NBL1: variants seen among roughly 807,000 people sequenced by gnomAD.
NBL1 encodes the protein NBL1, DAN family BMP antagonist, also known as neuroblastoma suppressor of tumorigenicity 1.
Under a neutral mutation model 16.0 loss-of-function variants are expected in NBL1, and 9 were observed. The observed-to-expected ratio is 0.56, with a 90% confidence interval of 0.34 to 0.98. The LOEUF (loss-of-function observed/expected upper bound fraction) is 0.98, where lower values mean the gene tolerates loss of function less well. Ranked by LOEUF, NBL1 falls within the 50% of genes least tolerant of loss-of-function variation. NBL1 has a pLI of 0.02. For missense variants in NBL1, 196 were observed against 243.1 expected (o/e 0.81, Z 1.29); for synonymous variants, 86 against 100.7 (o/e 0.85, Z 0.87).
chr1:19,656,749 G>A lies in NBL1; in HGVS notation c.283-117G>A, dbSNP rs111949284. ...CCCCATGGGACCCCAGAGCTAACTG[G>A]GCATCACAGGTGGGCTCTGGGATTC... On this transcript the variant is annotated intron_variant, in intron 3 of 3. Transcript: ENST00000375136. 9.5e-4 allele frequency: 1,359 copies of A among 1,427,716 alleles called. 6 individuals carry two copies. The African/African-American group carries it at 0.018, about 19-fold the overall frequency. The allele number at this position is 1,427,716 out of a possible 1,614,324, so 88.4% of individuals were successfully genotyped here.
intron 1 of NBL1, among the ~76,000 whole-genome samples, chr1:19,647,050 G>A (rs541803573): frequency 6.6e-6 from 1 of 152,336 alleles, no homozygotes; most frequent in Non-Finnish European, 1.5e-5. Context: ...AATTAACTAT[G>A]ATGGGCGATC....
At chr1:19,645,819 C>T in intron 1 of NBL1, 1 of 1,467,530 alleles carries the variant, frequency 6.8e-7, no homozygotes, top group East Asian at 2.5e-5. Context: ...CCAGGGATAT[C>T]GCCTCATTAT....
chr1:19,658,451 C>T lies in NBL1; in HGVS notation c.*1322C>T, dbSNP rs984032400. The T allele has an allele frequency of 2.0e-5, 3 of 152,596 alleles. No individual in the cohort carries two copies. The highest frequency in any genetic ancestry group is 7.2e-5 in the African/African-American group (3 of 41,458). 9.5% of individuals were successfully genotyped at this position (152,596 alleles called of 1,614,324 possible). Reference sequence around the variant, plus strand: ...TTCTCATGAATAAATTCCTTCAACGCCTGTGTTCTCCTCCTCACTGACTGG... The same window carrying T: ...TTCTCATGAATAAATTCCTTCAACGTCTGTGTTCTCCTCCTCACTGACTGG... On this transcript the variant is annotated 3_prime_UTR_variant, in exon 4 of 4. Coordinates refer to ENST00000375136, the MANE Select transcript of NBL1 (RefSeq NM_005380.8).
At chr1:19,654,869 A>T (rs1403379363) in intron 1 of NBL1, 143 bp from the exon 2 acceptor site, 1 of 1,075,172 alleles carries the variant, frequency 9.3e-7, no homozygotes, top group African/African-American at 1.6e-5. Context: ...GGGAGAAATA[A>T]CTTGTCCAAA....
intron 1 of NBL1, among the ~76,000 whole-genome samples, chr1:19,648,399 C>T (rs569948984): frequency 2.0e-5 from 3 of 152,292 alleles, no homozygotes; most frequent in African/African-American, 4.8e-5. Flanking sequence ...CATTCAGGTG[C>T]CCAGGCCGTG....
chr1:19,653,802 G>A (rs2095040900), intron 1 of NBL1, among the ~76,000 whole-genome samples: 1 of 152,258 alleles, frequency 6.6e-6, no homozygotes. Flanking sequence ...GGGGGGCATG[G>A]GTGAAACTTA....
At chr1:19,656,784 T>A in intron 3 of NBL1, 82 bp from the exon 4 acceptor site, 1 of 1,480,710 alleles carries the variant, frequency 6.8e-7, no homozygotes, top group Non-Finnish European at 9.0e-7. Context: ...CTTGATCCCA[T>A]GAGGAAGTAT....
intron 1 of NBL1, among the ~76,000 whole-genome samples, chr1:19,648,345 C>T (rs1229073624): frequency 1.3e-5 from 2 of 152,086 alleles, no homozygotes; most frequent in African/African-American, 2.4e-5. Context: ...GCTGGGAGGC[C>T]GTTGCTCCTG....
chr1:19,657,027 C>A lies in NBL1; in HGVS notation c.444C>A (p.Thr148=). Residue 148 remains threonine, a synonymous_variant, in exon 4 of 4, where the codon ACC becomes ACA. Coordinates refer to ENST00000375136, the MANE Select transcript of NBL1 (RefSeq NM_005380.8). ...GEDGPGSQPG[T]HPHPHPHPHP... is the part of the protein sequence containing the mutation. The stretch of plus-strand genomic sequence containing the variant: ...ACGGGCCGGGATCCCAGCCCGGCAC[C>A]CACCCTCACCCCCATCCCCACCCCC... The A allele has an allele frequency of 6.4e-7, 1 of 1,563,136 alleles. No homozygotes were observed.
chr1:19,643,613 A>G, upstream of NBL1: 1 of 1,377,974 alleles, frequency 7.3e-7, no homozygotes. The surrounding 1 kb of genome is among the most constrained non-coding windows in gnomAD (Gnocchi z 4.7). Context: ...CACTCTTCCC[A>G]GGAGTCAGAG....
chr1:19,644,182 G>A, upstream of NBL1: 1 of 980,308 alleles, frequency 1.0e-6, no homozygotes, highest in Non-Finnish European at 1.2e-6. The surrounding 1 kb of genome is among the most constrained non-coding windows in gnomAD (Gnocchi z 4.6). Flanking sequence ...CCCGGAGGGA[G>A]AGGCCGCGCG....
chr1:19,653,285 CAA>C (rs10631531), intron 1 of NBL1, among the ~76,000 whole-genome samples: 4 of 92,818 alleles, frequency 4.3e-5, no homozygotes, highest in African/African-American at 8.3e-5. Flanking sequence ...GACTCCGTCT[CAA>C]AAAAAAAAAA....
rs1362171336 is a variant in NBL1, at chr1:19,647,870, TGTGTGTGTGTGTGCGTGTGCGCGC to T, written c.-20+3434_-20+3457del. 2.1e-3 allele frequency among the ~76,000 whole-genome samples: 303 copies of T among 147,598 alleles called. 1 individual carries two copies. Among genetic ancestry groups the T allele is most frequent in the African/African-American group, 7.5e-3 (288 of 38,540 alleles). On this transcript the variant is annotated intron_variant, in intron 1 of 3. Coordinates refer to ENST00000375136, the MANE Select transcript of NBL1 (RefSeq NM_005380.8). ...GGCCTGGTGTGTGTGTGTGTGCGTGTGTGTGTGTGTGTGCGTGTGCGCGCGTGTGTGTGCGTGCTTGTGCGGATG... is the reference window on the plus strand; with the variant it reads ...GGCCTGGTGTGTGTGTGTGTGCGTGTGTGTGTGTGCGTGCTTGTGCGGATG...
At chr1:19,651,894 A>T (rs1259512441) in intron 1 of NBL1, among the ~76,000 whole-genome samples, 1 of 152,078 alleles carries the variant, frequency 6.6e-6, no homozygotes, top group Non-Finnish European at 1.5e-5. Context: ...GTGTGATAAT[A>T]AAAAAATATT....
chr1:19,644,026 C>A (rs922273236), upstream of NBL1: 6 of 984,272 alleles, frequency 6.1e-6, no homozygotes, highest in Non-Finnish European at 7.2e-6. This position sits in a 1 kb window ranked among gnomAD's most constrained non-coding sequence, Gnocchi z 4.6. Context: ...GCCAGGGCGC[C>A]CGGCTGGGCT....
rs903584347 is a variant in NBL1, at chr1:19,644,710, G to C, written c.-20+264G>C. ...AGCCCGTCCCCAGACTCGCCCCAGG[G>C]TTCCGTTTCTGGATCGGAGTTTCCG... On this transcript the variant is annotated intron_variant, in intron 1 of 3. Transcript: ENST00000375136. This position sits in a 1 kb window ranked among gnomAD's most constrained non-coding sequence, Gnocchi z 4.6. 6.6e-5 allele frequency among the ~76,000 whole-genome samples: 10 copies of C among 152,020 alleles called. No individual in the cohort carries two copies. The highest frequency in any genetic ancestry group is 1.2e-4 in the Non-Finnish European group (8 of 67,910).
At chr1:19,648,569 C>A (rs1358914421) in intron 1 of NBL1, among the ~76,000 whole-genome samples, 2 of 152,232 alleles carry the variant, frequency 1.3e-5, no homozygotes, top group East Asian at 3.8e-4. Flanking sequence ...GGCAGGGCTG[C>A]TGTGTTTGTT....
At position 19,644,402 on chromosome 1, in the gene NBL1, C is replaced by T. The variant is rs1461748911; in HGVS notation, c.-64C>T. 5 of 978,932 alleles carry T rather than the reference C, an allele frequency of 5.1e-6. No homozygotes were observed. In the South Asian group the frequency reaches 1.9e-4, roughly 37 times the overall value. The allele number at this position is 978,932 out of a possible 1,614,324, so 60.6% of individuals were successfully genotyped here. ...GCCGAGCCTCCTGGGGCGCCCGGGCCCGCGACCCCCGCACCCAGCTCCGCA... is the reference window on the plus strand; with the variant it reads ...GCCGAGCCTCCTGGGGCGCCCGGGCTCGCGACCCCCGCACCCAGCTCCGCA... On this transcript the variant is annotated 5_prime_UTR_variant, in exon 1 of 4. Transcript: ENST00000375136. The surrounding 1 kb of genome is among the most constrained non-coding windows in gnomAD (Gnocchi z 4.6).
chr1:19,645,618 G>T, intron 1 of NBL1: 1 of 1,079,470 alleles, frequency 9.3e-7, no homozygotes, highest in Non-Finnish European at 1.1e-6. Flanking sequence ...GCGGAATGGG[G>T]CCTCCCTAGA....
Sources: allele counts gnomAD v4.1 joint callset (sites outside exome capture counted in the v4.1 genomes callset), GRCh38; gene constraint gnomAD v4.1.1; non-coding constraint Gnocchi (gnomAD v3.1); transcripts MANE v1.5; gene names NCBI Gene and HGNC (gene_info 2026-07-23, HGNC 2026-07-21).